The following PARD3B variants were observed in gnomAD, a reference collection of about 807,000 sequenced individuals.
PARD3B encodes the protein partitioning defective 3 homolog B.
Under a neutral mutation model 130.2 loss-of-function variants are expected in PARD3B, and 103 were observed. That is an observed-to-expected ratio of 0.79 (90% confidence interval 0.67 to 0.93). The LOEUF (loss-of-function observed/expected upper bound fraction) is 0.93. PARD3B is among the 40% of genes least tolerant of loss of function. The probability of loss-of-function intolerance (pLI) is 0.00; values close to 1 mark genes in which losing one functional copy is unlikely to be tolerated. For synonymous variants in PARD3B, 583 were observed against 553.2 expected, an observed-to-expected ratio of 1.05 and a Z score of -0.76; for missense variants, 1,609 against 1,499.2, an observed-to-expected ratio of 1.07 and a Z score of -1.21.
At chr2:205,315,825 C>T (rs1368986174) in intron 18 of PARD3B, among the ~76,000 whole-genome samples, 2 of 152,200 alleles carry the variant, frequency 1.3e-5, no homozygotes, top group Non-Finnish European at 1.5e-5. Context: ...CTGAAAGCCA[C>T]CTCAAGCCCC....
At chr2:204,687,868 G>C (rs7595278) in intron 2 of PARD3B, among the ~76,000 whole-genome samples, 19,250 of 152,114 alleles carry the variant, frequency 0.13, 2,926 homozygotes, top group African/African-American at 0.36. Context: ...TAGGAAGGAC[G>C]AGAAGAAAAT....
chr2:204,845,625 A>G (rs1163670083), intron 2 of PARD3B, among the ~76,000 whole-genome samples: 1 of 152,124 alleles, frequency 6.6e-6, no homozygotes, highest in Non-Finnish European at 1.5e-5. Context: ...TCTTTTGTGC[A>G]GTATAAGAGT....
intron 18 of PARD3B, among the ~76,000 whole-genome samples, chr2:205,371,836 C>A (rs180922389): frequency 1.6e-3 from 249 of 152,258 alleles, no homozygotes; most frequent in African/African-American, 5.7e-3. Context: ...TCACCCTAAA[C>A]AACCACTAAT....
intron 2 of PARD3B, among the ~76,000 whole-genome samples, chr2:204,774,101 G>C (rs1211146896): frequency 6.6e-6 from 1 of 151,844 alleles, no homozygotes; most frequent in Non-Finnish European, 1.5e-5. Flanking sequence ...TTCCAAGTCT[G>C]CCTGGACTCC....
At chr2:205,333,724 A>C (rs568829892) in intron 18 of PARD3B, among the ~76,000 whole-genome samples, 1 of 152,248 alleles carries the variant, frequency 6.6e-6, no homozygotes, top group African/African-American at 2.4e-5. Context: ...AGAAGAAGAA[A>C]CCCAGATACC....
In PARD3B at chr2:205,615,949, C is replaced by T. The variant is rs574481608; in HGVS notation, c.*136C>T. On this transcript the variant is annotated 3_prime_UTR_variant, in exon 23 of 23. Coordinates refer to ENST00000406610, the MANE Select transcript of PARD3B (RefSeq NM_001302769.2). ...AAGCTTTTTCTCACTGACATTGTAA[C>T]GCATGACTGCTAATCAGAGAGAAAA... 3.0e-4 allele frequency: 222 copies of T among 752,480 alleles called. No homozygotes were observed. The highest frequency in any genetic ancestry group is 2.9e-3 in the African/African-American group (163 of 56,804). 46.6% of individuals were successfully genotyped at this position (752,480 alleles called of 1,614,324 possible).
At chr2:204,949,681 C>G (rs1380999039) in intron 2 of PARD3B, among the ~76,000 whole-genome samples, 2 of 152,068 alleles carry the variant, frequency 1.3e-5, no homozygotes, top group Admixed American at 1.3e-4. Flanking sequence ...GGTATGCCTA[C>G]TAATAGCATT....
chr2:205,517,049 T>C (rs1204277406), intron 21 of PARD3B, among the ~76,000 whole-genome samples: 1 of 152,184 alleles, frequency 6.6e-6, no homozygotes, highest in Non-Finnish European at 1.5e-5. Flanking sequence ...TTAGTTCTGT[T>C]TATGTGATGA....
At chr2:205,218,831 G>C (rs1239633978) in intron 15 of PARD3B, among the ~76,000 whole-genome samples, 1 of 152,136 alleles carries the variant, frequency 6.6e-6, no homozygotes, top group Non-Finnish European at 1.5e-5. Context: ...TGTAATCCAA[G>C]CACTTTGGGA....
chr2:205,496,268 A>G (rs2049921559), intron 20 of PARD3B, among the ~76,000 whole-genome samples: 1 of 152,166 alleles, frequency 6.6e-6, no homozygotes, highest in East Asian at 1.9e-4. Flanking sequence ...GGTGGTAAGC[A>G]TATGTGTATT....
At chr2:204,730,684 C>T (rs1056771516) in intron 2 of PARD3B, among the ~76,000 whole-genome samples, 8 of 151,908 alleles carry the variant, frequency 5.3e-5, no homozygotes, top group Admixed American at 2.0e-4. Context: ...AGGATGCAAT[C>T]GCTGTATTAA....
intron 2 of PARD3B, among the ~76,000 whole-genome samples, chr2:204,730,065 ATTTCTTTC>A (rs1307713051): frequency 4.7e-5 from 7 of 149,588 alleles, no homozygotes; most frequent in Non-Finnish European, 7.4e-5. Context: ...TGCATAGTTA[ATTTCTTTC>A]TTTCTTTCTT....
chr2:204,752,651 G>T (rs1486046412), intron 2 of PARD3B, among the ~76,000 whole-genome samples: 1 of 152,036 alleles, frequency 6.6e-6, no homozygotes, highest in Non-Finnish European at 1.5e-5. Context: ...ATTTTCTTCA[G>T]TTGATCCCTA....
chr2:205,539,492 G>A lies in PARD3B; in HGVS notation c.3181-13832G>A, dbSNP rs532370758. ...GTATGTGCACAGCCCCTCCAAGGCC[G>A]TGGTCAGGGGCCCATCAGCATCCAA... is the stretch of plus-strand genomic sequence containing the variant. On this transcript the variant is annotated intron_variant, in intron 21 of 22. Coordinates refer to ENST00000406610, the MANE Select transcript of PARD3B (RefSeq NM_001302769.2). 1.6e-4 allele frequency among the ~76,000 whole-genome samples: 25 copies of A among 152,280 alleles called. 1 individual carries two copies. The highest frequency in any genetic ancestry group is 9.2e-4 in the Admixed American group (14 of 15,292).
intron 3 of PARD3B, among the ~76,000 whole-genome samples, chr2:205,016,586 A>G (rs1696167185): frequency 6.6e-6 from 1 of 152,210 alleles, no homozygotes; most frequent in Non-Finnish European, 1.5e-5. Context: ...AAATGAAAGT[A>G]GGGGTACTCT....
chr2:205,346,639 A>G (rs2043802294), intron 18 of PARD3B, among the ~76,000 whole-genome samples: 1 of 152,108 alleles, frequency 6.6e-6, no homozygotes. Flanking sequence ...ACCATCCTTC[A>G]TATGGTCACC....
intron 15 of PARD3B, among the ~76,000 whole-genome samples, chr2:205,210,282 T>A (rs1225339191): frequency 5.3e-5 from 8 of 152,032 alleles, no homozygotes; most frequent in Non-Finnish European, 7.4e-5. Flanking sequence ...CATATTTTTA[T>A]TCTCTTATAT....
chr2:204,735,807 T>C (rs2039720341), intron 2 of PARD3B, among the ~76,000 whole-genome samples: 1 of 152,146 alleles, frequency 6.6e-6, no homozygotes, highest in Non-Finnish European at 1.5e-5. Flanking sequence ...CATCATGTTG[T>C]TGGCACCTTG....
At chr2:204,766,984 ATTTTTTATTTTAT>A (rs1163494096) in intron 2 of PARD3B, among the ~76,000 whole-genome samples, 1 of 65,400 alleles carries the variant, frequency 1.5e-5, no homozygotes, top group Non-Finnish European at 3.3e-5. Flanking sequence ...TTTTTTTCAC[ATTTTTTATTTTAT>A]TTTTTTATTT....
Sources: gnomAD v4.1 joint callset for allele counts (sites outside exome capture counted in the v4.1 genomes callset) on GRCh38, gnomAD v4.1.1 for gene constraint, MANE v1.5 for transcripts, NCBI Gene and HGNC (gene_info 2026-07-23, HGNC 2026-07-21) for gene names.